Variants in RBSN observed in about 807,000 individuals in gnomAD.
RBSN encodes the protein rabenosyn-5.
RBSN carries 34 observed loss-of-function variants against 60.5 expected under a neutral mutation model. That is an observed-to-expected ratio of 0.56 (90% confidence interval 0.43 to 0.75). RBSN has a LOEUF of 0.75. RBSN is among the 30% of genes least tolerant of loss of function. The pLI is 0.00. For synonymous variants in RBSN, 322 were observed against 366.9 expected (o/e 0.88, Z 1.40); for missense variants, 845 against 986.8 (o/e 0.86, Z 1.92).
At chr3:15,091,981 C>CAA (rs1443117705) in intron 4 of RBSN, among the ~76,000 whole-genome samples, 1 of 152,144 alleles carries the variant, frequency 6.6e-6, no homozygotes, top group African/African-American at 2.4e-5. Flanking sequence ...TAGAAAATAT[C>CAA]AGACTGAATA....
intron 5 of RBSN, among the ~76,000 whole-genome samples, chr3:15,089,741 G>A (rs1197025332): frequency 2.6e-5 from 4 of 151,832 alleles, no homozygotes; most frequent in African/African-American, 9.7e-5. Context: ...CTCCTGAGCA[G>A]CTGGGACTAC....
intron 10 of RBSN, among the ~76,000 whole-genome samples, chr3:15,079,851 T>C (rs544194876): frequency 6.6e-6 from 1 of 152,296 alleles, no homozygotes; most frequent in Admixed American, 6.5e-5. Flanking sequence ...AAGACAGTGG[T>C]AATGTTCGCT....
At chr3:15,091,641 T>C (rs1476236359) in intron 4 of RBSN, 10 of 415,378 alleles carry the variant, frequency 2.4e-5, no homozygotes, top group Admixed American at 4.8e-5. Flanking sequence ...AGGCAGGTGA[T>C]AGCCCTACTT....
intron 5 of RBSN, among the ~76,000 whole-genome samples, chr3:15,089,038 G>T (rs1295904814): frequency 6.6e-6 from 1 of 152,162 alleles, no homozygotes; most frequent in African/African-American, 2.4e-5. Flanking sequence ...CAAGGCTTTT[G>T]TGAAAGGTGA....
chr3:15,090,023 G>A (rs1397504452), intron 5 of RBSN, among the ~76,000 whole-genome samples: 1 of 152,216 alleles, frequency 6.6e-6, no homozygotes, highest in Non-Finnish European at 1.5e-5. Flanking sequence ...ACCAGTGCCT[G>A]TCACTGGGCA....
chr3:15,090,114 C>G (rs2043471794), intron 5 of RBSN, among the ~76,000 whole-genome samples: 1 of 152,158 alleles, frequency 6.6e-6, no homozygotes, highest in African/African-American at 2.4e-5. Flanking sequence ...GATTCATACC[C>G]TACTTCTGCA....
rs1424738362 is a variant in RBSN at position 15,074,243 on chromosome 3, C to G, written c.1894G>C (p.Asp632His). The G allele has an allele frequency of 6.2e-7, 1 of 1,610,022 alleles. No homozygotes were observed. The highest frequency in any genetic ancestry group is 1.1e-5 in the South Asian group (1 of 90,520). Residue 632 changes from aspartate (D) to histidine (H), a missense_variant, in exon 14 of 14, where the codon GAC becomes CAC. Physicochemically the swap from Asp to His is moderately conservative, Grantham distance 81. Coordinates refer to ENST00000253699, the MANE Select transcript of RBSN (RefSeq NM_022340.4). The surrounding 1 kb of genome is among the most constrained non-coding windows in gnomAD (Gnocchi z 6.4). ...GPSLNPFDEEDLSSPMEEATT... is the reference protein window; with the variant it reads ...GPSLNPFDEEHLSSPMEEATT... Reference sequence around the variant, plus strand: ...GCCTCTTCCATGGGGCTGGAGAGGTCTTCCTCATCAAAGGGGTTTAAGGAG... The same window carrying G: ...GCCTCTTCCATGGGGCTGGAGAGGTGTTCCTCATCAAAGGGGTTTAAGGAG...
At chr3:15,080,934 C>A in intron 9 of RBSN, 132 bp from the exon 10 acceptor site, 1 of 742,892 alleles carries the variant, frequency 1.3e-6, no homozygotes, top group Non-Finnish European at 2.2e-6. Context: ...TTATCAATTT[C>A]CTGATTTATA....
intron 10 of RBSN, among the ~76,000 whole-genome samples, chr3:15,078,948 ACT>A (rs758508116): frequency 1.8e-4 from 27 of 151,282 alleles, no homozygotes; most frequent in Non-Finnish European, 3.5e-4. Flanking sequence ...AAGACAGAAA[ACT>A]CTGAAATTAA....
chr3:15,087,791 T>C (rs190474246), intron 5 of RBSN, among the ~76,000 whole-genome samples: 14 of 151,238 alleles, frequency 9.3e-5, no homozygotes, highest in Non-Finnish European at 2.1e-4. Context: ...AGGCTAATTT[T>C]TGTATTTTTA....
chr3:15,094,411 T>C (rs897835983), intron 4 of RBSN, among the ~76,000 whole-genome samples: 1 of 152,246 alleles, frequency 6.6e-6, no homozygotes, highest in African/African-American at 2.4e-5. Flanking sequence ...GATTTACAGA[T>C]GACAGAAGAC....
chr3:15,088,147 A>G (rs1371256068), intron 5 of RBSN, among the ~76,000 whole-genome samples: 1 of 152,078 alleles, frequency 6.6e-6, no homozygotes, highest in Admixed American at 6.5e-5. Flanking sequence ...GGTATCACAA[A>G]CAAGCTATCA....
chr3:15,077,074 T>C lies in RBSN; in HGVS notation c.1089A>G (p.Thr363=), dbSNP rs2043071955. The C allele has an allele frequency of 3.7e-6, 6 of 1,614,072 alleles. No individual in the cohort carries two copies. The highest frequency in any genetic ancestry group is 5.1e-6 in the Non-Finnish European group (6 of 1,179,972). ...RLQRMIRYSA[T]LFVQEKLLGL... is the part of the protein sequence containing the mutation. ...AGGATGGCTTTACCTGCACAAAAAG[T>C]GTAGCTGAGTATCTGATCATTCTCT... is the stretch of plus-strand genomic sequence containing the variant. Residue 363 remains threonine (T), a synonymous_variant, in exon 12 of 14, where the codon ACA becomes ACG. Coordinates refer to ENST00000253699, the MANE Select transcript of RBSN (RefSeq NM_022340.4). The surrounding 1 kb of genome is among the most constrained non-coding windows in gnomAD (Gnocchi z 4.4).
chr3:15,076,196 G>A (rs1328858369), intron 12 of RBSN, among the ~76,000 whole-genome samples: 1 of 152,130 alleles, frequency 6.6e-6, no homozygotes, highest in Non-Finnish European at 1.5e-5. Context: ...CTGGTACATA[G>A]GAGGCACTCA....
Position 15,085,845 on chromosome 3 carries a change from A to G in RBSN, c.390+16T>C. The G allele has an allele frequency of 6.2e-7, 1 of 1,601,994 alleles. No individual in the cohort carries two copies. The highest frequency in any genetic ancestry group is 8.5e-7 in the Non-Finnish European group (1 of 1,170,606). ...TGTATTTGTAGAAAAAAATGTTTTA[A>G]GACAACAAAATTTACCTTCTCTAAC... is the stretch of plus-strand genomic sequence containing the variant. On this transcript the variant is annotated intron_variant, in intron 6 of 13. Coordinates refer to ENST00000253699, the MANE Select transcript of RBSN (RefSeq NM_022340.4).
intron 5 of RBSN, among the ~76,000 whole-genome samples, chr3:15,088,365 A>C (rs906814752): frequency 2.0e-5 from 3 of 151,672 alleles, no homozygotes; most frequent in African/African-American, 4.8e-5. Flanking sequence ...TCATAATTAC[A>C]TATGTATAGT....
At chr3:15,085,808 C>T in intron 6 of RBSN, 53 bp downstream of exon 6, 1 of 1,403,894 alleles carries the variant, frequency 7.1e-7, no homozygotes, top group Non-Finnish European at 1.0e-6. Flanking sequence ...GATTATTTTT[C>T]CCCAGAAAAT....
intron 4 of RBSN, among the ~76,000 whole-genome samples, chr3:15,095,076 T>A (rs898893269): frequency 6.6e-6 from 1 of 151,928 alleles, no homozygotes. Flanking sequence ...TGCAGTGGCA[T>A]GATCATCGCT....
chr3:15,090,191 G>C (rs1252529877), intron 5 of RBSN, among the ~76,000 whole-genome samples: 2 of 152,152 alleles, frequency 1.3e-5, no homozygotes, highest in Non-Finnish European at 2.9e-5. Context: ...AAGACCATGG[G>C]TATAAGGCAC....
Sources: gnomAD v4.1 joint callset for allele counts (sites outside exome capture counted in the v4.1 genomes callset) on GRCh38, gnomAD v4.1.1 for gene constraint, Gnocchi (gnomAD v3.1) non-coding constraint, MANE v1.5 for transcripts, NCBI Gene and HGNC (gene_info 2026-07-23, HGNC 2026-07-21) for gene names.